The following BCKDHB variants were observed in gnomAD, a reference collection of about 807,000 sequenced individuals.
BCKDHB encodes the protein branched chain keto acid dehydrogenase E1 subunit beta, also known as 2-oxoisovalerate dehydrogenase subunit beta, mitochondrial.
In BCKDHB, 41 loss-of-function variants were observed where a neutral mutation model predicts 48.5. That is an observed-to-expected ratio of 0.85 (90% CI 0.66 to 1.10). The LOEUF is 1.10. Ranked by LOEUF, BCKDHB falls within the 50% of genes least tolerant of loss-of-function variation. The probability of loss-of-function intolerance (pLI) is 0.00; values close to 1 mark genes in which losing one functional copy is unlikely to be tolerated. For missense variants in BCKDHB, 496 were observed against 494.2 expected (o/e 1.00, Z -0.03); for synonymous variants, 201 against 174.8 (o/e 1.15, Z -1.18).
At chr6:80,244,507 AT>A (rs1335901660) in intron 8 of BCKDHB, among the ~76,000 whole-genome samples, 2 of 152,276 alleles carry the variant, frequency 1.3e-5, no homozygotes, top group East Asian at 3.9e-4. Flanking sequence ...AATTAGCATA[AT>A]TTTTTTGTTT....
chr6:80,388,263 G>A, the BCKDHB span, among the ~76,000 whole-genome samples: 1 of 152,216 alleles, frequency 6.6e-6, no homozygotes. Flanking sequence ...ATATGATCCA[G>A]TGGATCGAAT....
At chr6:80,386,195 G>T in the BCKDHB span, among the ~76,000 whole-genome samples, 1 of 151,954 alleles carries the variant, frequency 6.6e-6, no homozygotes, top group African/African-American at 2.4e-5. Context: ...CCCTGTAATT[G>T]CTTTTCTCTA....
intron 8 of BCKDHB, among the ~76,000 whole-genome samples, chr6:80,243,053 T>C (rs1776454176): frequency 6.6e-6 from 1 of 152,174 alleles, no homozygotes; most frequent in Non-Finnish European, 1.5e-5. Flanking sequence ...ATCAGGACTC[T>C]ATAGTCATAT....
chr6:80,265,975 T>TA (rs759779869), intron 8 of BCKDHB, among the ~76,000 whole-genome samples: 10 of 152,078 alleles, frequency 6.6e-5, no homozygotes, highest in Non-Finnish European at 1.5e-4. Flanking sequence ...AGGCTTTAGT[T>TA]ATGTGGTACT....
chr6:80,375,438 T>C, the BCKDHB span, among the ~76,000 whole-genome samples: 67 of 152,352 alleles, frequency 4.4e-4, no homozygotes, highest in Middle Eastern at 6.8e-3. Flanking sequence ...TGTTCGATGC[T>C]ATTGCTGATA....
intron 8 of BCKDHB, among the ~76,000 whole-genome samples, chr6:80,233,857 G>A (rs189731019): frequency 4.6e-5 from 7 of 152,200 alleles, no homozygotes; most frequent in Admixed American, 3.3e-4. Context: ...AAAAATAGTC[G>A]TATAGAGCAG....
At chr6:80,280,578 G>A (rs1157477493) in intron 9 of BCKDHB, among the ~76,000 whole-genome samples, 1 of 152,140 alleles carries the variant, frequency 6.6e-6, no homozygotes, top group African/African-American at 2.4e-5. Flanking sequence ...TCAAGTATGG[G>A]AAATGATTGA....
intron 3 of BCKDHB, among the ~76,000 whole-genome samples, chr6:80,133,403 C>G (rs1770727891): frequency 6.6e-6 from 1 of 152,228 alleles, no homozygotes. Context: ...AACTGCTTCT[C>G]TTCCTTGTCC....
At position 80,345,650 on chromosome 6, in the gene BCKDHB, A is replaced by G. The variant is rs1044280467; in HGVS notation, c.*1846A>G. On this transcript the variant is annotated 3_prime_UTR_variant, in exon 10 of 10. Transcript: ENST00000320393. ...TGTCTTCTTAATGTCTGTGAAAGCA[A>G]CTGGCATCTACAATAAATCACACTT... 6.6e-6 allele frequency: 1 copy of G among 152,210 alleles called. No homozygotes were observed. The highest frequency in any genetic ancestry group is 2.4e-5 in the African/African-American group (1 of 41,452). 9.4% of individuals were successfully genotyped at this position (152,210 alleles called of 1,614,324 possible).
chr6:80,119,439 C>T (rs1769886066), intron 1 of BCKDHB, among the ~76,000 whole-genome samples: 1 of 152,074 alleles, frequency 6.6e-6, no homozygotes, highest in Admixed American at 6.6e-5. Context: ...GTGCCTTAGC[C>T]TCCTGAGTAG....
At chr6:80,317,234 T>G (rs1768493966) in intron 9 of BCKDHB, among the ~76,000 whole-genome samples, 1 of 152,158 alleles carries the variant, frequency 6.6e-6, no homozygotes, top group East Asian at 1.9e-4. Flanking sequence ...CGTTCCAAAA[T>G]ACCCAAAACT....
At chr6:80,403,636 T>G in the BCKDHB span, among the ~76,000 whole-genome samples, 1 of 152,034 alleles carries the variant, frequency 6.6e-6, no homozygotes, top group East Asian at 1.9e-4. Context: ...GTGGTGAGAT[T>G]GGGCATCATT....
rs927081844 is a variant in BCKDHB, at chr6:80,344,642, G to T, written c.*838G>T. On this transcript the variant is annotated 3_prime_UTR_variant, in exon 10 of 10. Coordinates refer to ENST00000320393, the MANE Select transcript of BCKDHB (RefSeq NM_183050.4). ...TTACAGGCATGAGCCACCGCGCCTG[G>T]CCTGTATATGTGATTTCTAAAAAAT... 6.6e-6 allele frequency: 1 copy of T among 152,220 alleles called. No individual in the cohort carries two copies. Among genetic ancestry groups the T allele is most frequent in the Non-Finnish European group, 1.5e-5 (1 of 68,112 alleles). The allele number at this position is 152,220 out of a possible 1,614,324, so 9.4% of individuals were successfully genotyped here.
intron 6 of BCKDHB, among the ~76,000 whole-genome samples, chr6:80,181,750 C>T (rs947002450): frequency 1.3e-5 from 2 of 152,006 alleles, no homozygotes; most frequent in African/African-American, 4.8e-5. Context: ...AGTATGTTGG[C>T]CAAAATAAGT....
the BCKDHB span, among the ~76,000 whole-genome samples, chr6:80,366,668 A>C: frequency 6.6e-6 from 1 of 152,228 alleles, no homozygotes. Flanking sequence ...AACAAGGTAC[A>C]CAAGCCAGTT....
the BCKDHB span, among the ~76,000 whole-genome samples, chr6:80,435,353 G>C: frequency 6.6e-6 from 1 of 152,132 alleles, no homozygotes; most frequent in Non-Finnish European, 1.5e-5. Flanking sequence ...AAAGAATCAG[G>C]ACATGGAGAC....
At chr6:80,200,906 T>C (rs1774358084) in intron 6 of BCKDHB, 28 bp from the exon 7 acceptor site, 8 of 361,214 alleles carry the variant, frequency 2.2e-5, no homozygotes, top group African/African-American at 4.5e-5. Context: ...AAAAATGTCC[T>C]TTTTTTTTTT....
the BCKDHB span, among the ~76,000 whole-genome samples, chr6:80,459,682 T>C: frequency 6.6e-5 from 10 of 152,148 alleles, no homozygotes; most frequent in Non-Finnish European, 1.2e-4. Context: ...ATAGAAGTAT[T>C]TGGTACACTC....
chr6:80,163,226 G>A lies in BCKDHB; in HGVS notation c.344-4452G>A, dbSNP rs534670138. Reference sequence around the variant, plus strand: ...GGCTTCTTCTCTCTTTTATAGCACCGTTTCTCCATATAATTGTCACTACTC... The same window carrying A: ...GGCTTCTTCTCTCTTTTATAGCACCATTTCTCCATATAATTGTCACTACTC... On this transcript the variant is annotated intron_variant, in intron 3 of 9. Coordinates refer to ENST00000320393, the MANE Select transcript of BCKDHB (RefSeq NM_183050.4). 7.3e-5 allele frequency among the ~76,000 whole-genome samples: 11 copies of A among 151,638 alleles called. No homozygotes were observed. In the South Asian group the frequency reaches 1.5e-3, roughly 20 times the overall value.
Sources: allele counts gnomAD v4.1 joint callset (sites outside exome capture counted in the v4.1 genomes callset), GRCh38; gene constraint gnomAD v4.1.1; transcripts MANE v1.5; gene names NCBI Gene and HGNC (gene_info 2026-07-23, HGNC 2026-07-21).